MAF: variants seen among roughly 807,000 people sequenced by gnomAD.
The protein encoded by MAF is MAF bZIP transcription factor.
A neutral mutation model predicts 22.0 loss-of-function variants in MAF; 10 were observed. The observed-to-expected ratio is 0.45, with a 90% CI of 0.28 to 0.77. MAF has a LOEUF of 0.77. Ranked by LOEUF, MAF falls within the 30% of genes least tolerant of loss-of-function variation. The pLI is 0.12. For missense variants in MAF, 544 were observed against 548.4 expected (o/e 0.99, Z 0.08); for synonymous variants, 337 against 255.8 (o/e 1.32, Z -3.03).
At chr16:79,300,704 CT>C in the MAF span, among the ~76,000 whole-genome samples, 12 of 140,812 alleles carry the variant, frequency 8.5e-5, no homozygotes, top group East Asian at 1.5e-3. Flanking sequence ...TTTTTTTTTT[CT>C]TTTTTGGAGA....
At chr16:79,474,498 C>G in the MAF span, among the ~76,000 whole-genome samples, 1 of 152,120 alleles carries the variant, frequency 6.6e-6, no homozygotes, top group Non-Finnish European at 1.5e-5. Context: ...ATGGTGTGGG[C>G]TCAGGTGCTT....
chr16:79,446,769 C>G, the MAF span, among the ~76,000 whole-genome samples: 1 of 151,506 alleles, frequency 6.6e-6, no homozygotes, highest in Admixed American at 6.6e-5. Context: ...ATTAGCCGAG[C>G]ACAGTGGTAA....
chr16:79,419,932 A>T, the MAF span, among the ~76,000 whole-genome samples: 1 of 151,866 alleles, frequency 6.6e-6, no homozygotes, highest in Non-Finnish European at 1.5e-5. Flanking sequence ...AATGTTTTCC[A>T]CTCACACTTT....
the MAF span, among the ~76,000 whole-genome samples, chr16:79,274,254 CTTT>C: frequency 1.4e-5 from 2 of 146,140 alleles, no homozygotes; most frequent in African/African-American, 2.5e-5. Flanking sequence ...TTTGCCCAGC[CTTT>C]TTTTTTTTTT....
chr16:79,571,115 A>G, the MAF span, among the ~76,000 whole-genome samples: 2 of 151,888 alleles, frequency 1.3e-5, no homozygotes, highest in South Asian at 4.2e-4. Flanking sequence ...TCCAGTTAAA[A>G]AAAAAAAAAA....
At chr16:79,525,314 A>G in the MAF span, among the ~76,000 whole-genome samples, 1 of 152,232 alleles carries the variant, frequency 6.6e-6, no homozygotes, top group Admixed American at 6.5e-5. Context: ...AGACCTTGAG[A>G]ACAGTGAATT....
At chr16:79,588,527 C>A (rs941088855) in intron 1 of MAF, among the ~76,000 whole-genome samples, 2 of 152,036 alleles carry the variant, frequency 1.3e-5, no homozygotes, top group African/African-American at 4.8e-5. Context: ...CTCCGCCTCC[C>A]AGGTTTTAAG....
the MAF span, among the ~76,000 whole-genome samples, chr16:79,447,891 C>CAAAAAAAAAAA: frequency 0.012 from 896 of 72,288 alleles, 93 homozygotes; most frequent in African/African-American, 0.055. Context: ...GATTCCATCT[C>CAAAAAAAAAAA]AAAAAAAAAA....
chr16:79,233,129 C>A, the MAF span, among the ~76,000 whole-genome samples: 1 of 151,902 alleles, frequency 6.6e-6, no homozygotes, highest in Non-Finnish European at 1.5e-5. Context: ...CGTGAACCAC[C>A]GCGCCCGGCC....
chr16:79,381,084 G>C, the MAF span, among the ~76,000 whole-genome samples: 1 of 152,358 alleles, frequency 6.6e-6, no homozygotes, highest in East Asian at 1.9e-4. Context: ...ACAGAATGAA[G>C]GGCACATGTG....
chr16:79,524,704 T>C, the MAF span, among the ~76,000 whole-genome samples: 1 of 152,226 alleles, frequency 6.6e-6, no homozygotes, highest in Non-Finnish European at 1.5e-5. Context: ...ACTGGCCAAA[T>C]ATAGAAATCA....
chr16:79,374,356 C>T, the MAF span, among the ~76,000 whole-genome samples: 1 of 152,138 alleles, frequency 6.6e-6, no homozygotes, highest in African/African-American at 2.4e-5. Context: ...GGTCAATGAG[C>T]TCTGTAGAAT....
chr16:79,409,011 C>A, the MAF span, among the ~76,000 whole-genome samples: 1 of 149,054 alleles, frequency 6.7e-6, no homozygotes, highest in African/African-American at 2.5e-5. Context: ...TGCGTGTGTC[C>A]CCACCTACCA....
the MAF span, among the ~76,000 whole-genome samples, chr16:79,455,981 G>C: frequency 6.6e-6 from 1 of 152,036 alleles, no homozygotes; most frequent in East Asian, 1.9e-4. Flanking sequence ...TCTTGCCACT[G>C]CACTCCAGCC....
the MAF span, among the ~76,000 whole-genome samples, chr16:79,520,362 C>T: frequency 1.3e-5 from 2 of 152,140 alleles, no homozygotes; most frequent in African/African-American, 4.8e-5. Flanking sequence ...CCCATCTCCT[C>T]TGCAGCCATA....
the MAF span, among the ~76,000 whole-genome samples, chr16:79,580,049 CTTAT>C: frequency 2.2e-3 from 331 of 152,218 alleles, 1 homozygote; most frequent in African/African-American, 7.8e-3. Context: ...GAAACCCTTC[CTTAT>C]TATTTCCCCC....
At chr16:79,210,283 C>G in the MAF span, among the ~76,000 whole-genome samples, 1 of 152,196 alleles carries the variant, frequency 6.6e-6, no homozygotes, top group African/African-American at 2.4e-5. Flanking sequence ...ATGGCAGATT[C>G]TTCACGTCGT....
chr16:79,477,433 G>C, the MAF span, among the ~76,000 whole-genome samples: 33 of 152,300 alleles, frequency 2.2e-4, no homozygotes, highest in Non-Finnish European at 3.7e-4. Context: ...TGGCTGTCTT[G>C]CGTAGGAAAC....
chr16:79,212,501 G>A, the MAF span: 8 of 204,566 alleles, frequency 3.9e-5, no homozygotes, highest in Non-Finnish European at 6.0e-5. Flanking sequence ...GAAGGGAAGC[G>A]TATATACTTA....
Sources: allele counts gnomAD v4.1 joint callset (sites outside exome capture counted in the v4.1 genomes callset), GRCh38; gene constraint gnomAD v4.1.1; transcripts MANE v1.5; gene names NCBI Gene and HGNC (gene_info 2026-07-23, HGNC 2026-07-21).